KIAA1586: variants seen among roughly 807,000 people sequenced by gnomAD.
KIAA1586 encodes E3 SUMO-protein ligase KIAA1586.
Under a neutral mutation model 6.1 loss-of-function variants are expected in KIAA1586, and 5 were observed. The ratio of observed to expected loss-of-function variants is 0.82; its 90% confidence interval spans 0.43 to 1.73. The LOEUF is 1.73. Ranked by LOEUF, KIAA1586 falls within the 40% of genes most tolerant of loss-of-function variation. The probability of loss-of-function intolerance (pLI) is 0.02; values close to 1 mark genes in which losing one functional copy is unlikely to be tolerated. For missense variants in KIAA1586, 899 were observed against 878.2 expected (o/e 1.02, Z -0.30); for synonymous variants, 280 against 301.7 (o/e 0.93, Z 0.75).
Position 57,053,536 on chromosome 6 carries a change from T to C in KIAA1586, c.1037T>C (p.Met346Thr), listed in dbSNP as rs777595225. 9.3e-6 allele frequency: 15 copies of C among 1,613,414 alleles called. No homozygotes were observed. Among genetic ancestry groups the C allele is most frequent in the African/African-American group, 4.0e-5 (3 of 74,924 alleles). The change falls in exon 4 of 4, where the codon ATG becomes ACG. Residue 346 changes from methionine (M) to threonine (T), a missense_variant. Transcript: ENST00000370733. ...CTIQSAPAPVMLFVALKELVS... is the reference protein window; with the variant it reads ...CTIQSAPAPVTLFVALKELVS... ...ATTCAGTCAGCTCCTGCACCTGTTATGTTATTTGTGGCTTTAAAAGAATTG... is the reference window on the plus strand; with the variant it reads ...ATTCAGTCAGCTCCTGCACCTGTTACGTTATTTGTGGCTTTAAAAGAATTG...
At chr6:57,057,207 G>A (rs1335599088), downstream of KIAA1586, among the ~76,000 whole-genome samples, 5 of 151,094 alleles carry the variant, frequency 3.3e-5, no homozygotes, top group African/African-American at 4.9e-5. Context: ...CAGCCTGGGC[G>A]ACAGAGCGAG....
At chr6:57,048,394 T>C (rs951804859) in intron 2 of KIAA1586, among the ~76,000 whole-genome samples, 2 of 152,226 alleles carry the variant, frequency 1.3e-5, no homozygotes, top group African/African-American at 4.8e-5. Context: ...AACATTGTTT[T>C]GTTAACATCG....
At chr6:57,049,356 A>G (rs1013220332) in intron 2 of KIAA1586, among the ~76,000 whole-genome samples, 9 of 152,116 alleles carry the variant, frequency 5.9e-5, no homozygotes, top group African/African-American at 1.9e-4. Context: ...TGCTGGGTAT[A>G]GTTCTCTGCT....
intron 3 of KIAA1586, among the ~76,000 whole-genome samples, chr6:57,051,477 C>T (rs1038474024): frequency 1.3e-5 from 2 of 151,486 alleles, no homozygotes; most frequent in Non-Finnish European, 2.9e-5. Context: ...GAACATTACC[C>T]CATTGTAATC....
rs762238339 is a variant in KIAA1586 at position 57,053,641 on chromosome 6, A to G, written c.1142A>G (p.Lys381Arg). 2 of 1,611,776 alleles carry G rather than the reference A, an allele frequency of 1.2e-6. No individual in the cohort carries two copies. The highest frequency in any genetic ancestry group is 4.5e-5 in the East Asian group (2 of 44,836). ...NDCGFTNEYL[K>R]ANLIAFCSDG... is the part of the protein sequence containing the mutation. ...TGTGGTTTTACAAATGAATATTTGA[A>G]AGCAAATTTAATTGCATTTTGTTCT... The change falls in exon 4 of 4, where the codon AAA becomes AGA. Residue 381 changes from lysine to arginine, a missense_variant. By Grantham distance (26) the Lys-to-Arg change is conservative (BLOSUM62 2). Transcript: ENST00000370733.
At chr6:57,060,030 A>G (rs2127915434), downstream of KIAA1586, among the ~76,000 whole-genome samples, 1 of 152,316 alleles carries the variant, frequency 6.6e-6, no homozygotes, top group Non-Finnish European at 1.5e-5. Context: ...TAATACTAAT[A>G]TATCCTTCAT....
chr6:57,052,599 C>G (rs1593049071), intron 3 of KIAA1586, 87 bp from the exon 4 acceptor site: 1 of 1,035,772 alleles, frequency 9.7e-7, no homozygotes, highest in East Asian at 2.7e-5. Flanking sequence ...AATGTATTTC[C>G]AAAATTAGAT....
the KIAA1586 span, among the ~76,000 whole-genome samples, chr6:57,062,548 G>A: frequency 8.7e-3 from 1,325 of 152,262 alleles, 18 homozygotes; most frequent in African/African-American, 0.031. Flanking sequence ...ACCATTCAAA[G>A]TATTCCTAGA....
chr6:57,051,496 A>G (rs534324085), intron 3 of KIAA1586, among the ~76,000 whole-genome samples: 90 of 151,876 alleles, frequency 5.9e-4, no homozygotes, highest in Non-Finnish European at 6.2e-4. Context: ...TCAGTAAAAT[A>G]CAAACTAGAA....
the KIAA1586 span, among the ~76,000 whole-genome samples, chr6:57,063,669 G>A: frequency 6.6e-6 from 1 of 151,840 alleles, no homozygotes; most frequent in Non-Finnish European, 1.5e-5. Context: ...GGCCAGGCTG[G>A]TCTCAAACTT....
the KIAA1586 span, among the ~76,000 whole-genome samples, chr6:57,065,931 G>A: frequency 6.6e-6 from 1 of 151,892 alleles, no homozygotes; most frequent in Non-Finnish European, 1.5e-5. Context: ...TTTTTTCAGT[G>A]TCTGGGAAAT....
At chr6:57,061,676 C>T in the KIAA1586 span, among the ~76,000 whole-genome samples, 2 of 152,062 alleles carry the variant, frequency 1.3e-5, no homozygotes, top group South Asian at 2.1e-4. Context: ...AGGTGTGAGC[C>T]CCCACATTCA....
Position 57,053,359 on chromosome 6 carries a change from G to C in KIAA1586, c.860G>C (p.Ser287Thr), listed in dbSNP as rs774675694. Residue 287 changes from serine (S) to threonine (T), a missense_variant, in exon 4 of 4, where the codon AGT becomes ACT. By Grantham distance (58) the Ser-to-Thr change is moderately conservative (BLOSUM62 1). Transcript: ENST00000370733. ...GTAAATTGTTTAAATACACGTTACAGTGCAACAAGAATAGCAGAACATATT... is the reference window on the plus strand; with the variant it reads ...GTAAATTGTTTAAATACACGTTACACTGCAACAAGAATAGCAGAACATATT... Reference protein sequence around the residue: ...GEVNCLNTRYSATRIAEHIAK... With the variant: ...GEVNCLNTRYTATRIAEHIAK... 27 of 1,612,230 alleles carry C rather than the reference G, an allele frequency of 1.7e-5. No homozygotes were observed. Among genetic ancestry groups the C allele is most frequent in the Non-Finnish European group, 5.9e-6 (7 of 1,179,090 alleles).
chr6:57,066,348 T>G, the KIAA1586 span, among the ~76,000 whole-genome samples: 1 of 152,184 alleles, frequency 6.6e-6, no homozygotes, highest in African/African-American at 2.4e-5. Context: ...TTTCATTTAA[T>G]ACTATGCTTA....
At chr6:57,060,032 A>G (rs1412893525), downstream of KIAA1586, among the ~76,000 whole-genome samples, 1 of 152,194 alleles carries the variant, frequency 6.6e-6, no homozygotes, top group East Asian at 1.9e-4. Flanking sequence ...ATACTAATAT[A>G]TCCTTCATAC....
In KIAA1586 at chr6:57,053,413, A is replaced by G. The variant is rs1461848373; in HGVS notation, c.914A>G (p.Lys305Arg). Residue 305 changes from lysine (K) to arginine (R), a missense_variant, in exon 4 of 4, where the codon AAG (lysine) becomes AGG (arginine). Physicochemically the swap from Lys to Arg is conservative, Grantham distance 26. Transcript: ENST00000370733. ...AAAGAAATGAAGATGAAGATATTTA[A>G]GAATATTATAGAAGAGAATGCCAAA... ...IAKEMKMKIF[K>R]NIIEENAKIC... 5.6e-6 allele frequency: 9 copies of G among 1,608,646 alleles called. No homozygotes were observed. Among genetic ancestry groups the G allele is most frequent in the African/African-American group, 1.3e-5 (1 of 74,646 alleles).
rs1452564960 is a variant in KIAA1586 at position 57,053,597 on chromosome 6, A to G, written c.1098A>G (p.Leu366=). 4.3e-6 allele frequency: 7 copies of G among 1,609,396 alleles called. No individual in the cohort carries two copies. The Admixed American group carries it at 5.0e-5, about 12-fold the overall frequency. ...STIAECIVNT[L]LTTLNDCGFT... ...TAGCAGAGTGTATTGTCAATACATT[A>G]TTGACTACTTTAAATGATTGTGGTT... Residue 366 remains leucine (L), a synonymous_variant, in exon 4 of 4, where the codon TTA becomes TTG. Coordinates refer to ENST00000370733, the MANE Select transcript of KIAA1586 (RefSeq NM_020931.4).
intron 2 of KIAA1586, among the ~76,000 whole-genome samples, chr6:57,048,080 T>C (rs1376972719): frequency 6.6e-6 from 1 of 151,360 alleles, no homozygotes; most frequent in Non-Finnish European, 1.5e-5. Context: ...GAGCACACTT[T>C]GGACAGAATG....
At chr6:57,057,143 G>T (rs997449024), downstream of KIAA1586, among the ~76,000 whole-genome samples, 3 of 151,616 alleles carry the variant, frequency 2.0e-5, no homozygotes, top group African/African-American at 7.3e-5. Context: ...CAGGAGAATC[G>T]CTTGAACACA....
Sources: allele counts gnomAD v4.1 joint callset (sites outside exome capture counted in the v4.1 genomes callset), GRCh38; gene constraint gnomAD v4.1.1; transcripts MANE v1.5; gene names NCBI Gene and HGNC (gene_info 2026-07-23, HGNC 2026-07-21).